FBXL13: variants seen among roughly 807,000 people sequenced by gnomAD.
The protein encoded by FBXL13 is F-box and leucine rich repeat protein 13.
A neutral mutation model predicts 83.6 loss-of-function variants in FBXL13; 67 were observed. The ratio of observed to expected loss-of-function variants is 0.80; its 90% CI spans 0.66 to 0.98. FBXL13 has a LOEUF of 0.98. Ranked by LOEUF, FBXL13 falls within the 50% of genes least tolerant of loss-of-function variation. The pLI is 0.00. For synonymous variants in FBXL13, 272 were observed against 299.5 expected (o/e 0.91, Z 0.95); for missense variants, 822 against 866.5 (o/e 0.95, Z 0.64).
At chr7:102,842,515 C>T (rs898735463) in intron 17 of FBXL13, among the ~76,000 whole-genome samples, 7 of 152,190 alleles carry the variant, frequency 4.6e-5, no homozygotes, top group Non-Finnish European at 8.8e-5. Flanking sequence ...GAATCTTGCA[C>T]AAACAACATT....
At chr7:103,027,850 C>G (rs1244826982) in intron 4 of FBXL13, among the ~76,000 whole-genome samples, 1 of 151,954 alleles carries the variant, frequency 6.6e-6, no homozygotes, top group African/African-American at 2.4e-5. Flanking sequence ...TTTGTAAAAC[C>G]AGAACTTCTA....
At chr7:102,931,750 T>C in intron 9 of FBXL13, 131 bp downstream of exon 10, 2 of 739,782 alleles carry the variant, frequency 2.7e-6, no homozygotes, top group Non-Finnish European at 4.4e-6. Flanking sequence ...TTCTTGTCAA[T>C]GTTTAACATA....
intron 8 of FBXL13, among the ~76,000 whole-genome samples, chr7:102,954,335 C>T (rs1276099876): frequency 1.3e-5 from 2 of 152,122 alleles, no homozygotes; most frequent in African/African-American, 4.8e-5. Context: ...TACAGACAAG[C>T]AAATGCTGAG....
intron 8 of FBXL13, among the ~76,000 whole-genome samples, chr7:102,960,995 CAGG>C (rs2129478771): frequency 6.6e-6 from 1 of 150,402 alleles, no homozygotes; most frequent in African/African-American, 2.4e-5. Context: ...GGCAATTAGG[CAGG>C]AGAAGGAAAT....
intron 11 of FBXL13, among the ~76,000 whole-genome samples, chr7:102,889,587 G>A (rs528660685): frequency 2.6e-5 from 4 of 151,302 alleles, no homozygotes; most frequent in African/African-American, 7.3e-5. Context: ...ACAGGCCCCC[G>A]TGTGTGATGT....
chr7:102,910,229 G>A (rs921892183), intron 11 of FBXL13, among the ~76,000 whole-genome samples: 14 of 152,140 alleles, frequency 9.2e-5, no homozygotes, highest in African/African-American at 3.1e-4. Flanking sequence ...AGCACCCAGA[G>A]AGGCTCTCTG....
chr7:102,866,193 T>C (rs1807622272), intron 16 of FBXL13, among the ~76,000 whole-genome samples: 1 of 152,158 alleles, frequency 6.6e-6, no homozygotes, highest in Non-Finnish European at 1.5e-5. Flanking sequence ...CTTGAGACTG[T>C]TTGCCTCCTA....
At chr7:102,813,210 G>T, downstream of FBXL13, 2 of 787,576 alleles carry the variant, frequency 2.5e-6, no homozygotes, top group Non-Finnish European at 4.0e-6. Context: ...TTTGTAGTTG[G>T]AATAAGAATC....
At chr7:103,024,857 A>ATATATATTTTTTTTTT (rs1298384907) in intron 6 of FBXL13, among the ~76,000 whole-genome samples, 2 of 62,854 alleles carry the variant, frequency 3.2e-5, no homozygotes, top group African/African-American at 1.8e-4. Flanking sequence ...ATATATATAT[A>ATATATATTTTTTTTTT]TTTTTTTTTT....
At chr7:103,002,960 T>C (rs970456316) in intron 6 of FBXL13, among the ~76,000 whole-genome samples, 5 of 152,208 alleles carry the variant, frequency 3.3e-5, no homozygotes, top group African/African-American at 4.8e-5. Flanking sequence ...TCAAAAGTTT[T>C]CTGTTATTAT....
chr7:102,884,374 G>A, intron 11 of FBXL13, 62 bp from the exon 13 acceptor site: 1 of 1,243,002 alleles, frequency 8.0e-7, no homozygotes. Flanking sequence ...ATCCAAGGGA[G>A]TAATAACCAA....
chr7:103,021,407 C>G (rs1446500359), intron 6 of FBXL13, among the ~76,000 whole-genome samples: 5 of 152,158 alleles, frequency 3.3e-5, no homozygotes, highest in Non-Finnish European at 5.9e-5. Context: ...CAATACCATT[C>G]AGGACATAGG....
chr7:102,868,452 C>T (rs544808874), intron 16 of FBXL13, among the ~76,000 whole-genome samples: 1 of 152,226 alleles, frequency 6.6e-6, no homozygotes, highest in Admixed American at 6.5e-5. Context: ...AACACAATGT[C>T]CTTTAGGTTC....
chr7:102,954,308 G>A (rs1232262292), intron 8 of FBXL13, among the ~76,000 whole-genome samples: 1 of 152,198 alleles, frequency 6.6e-6, no homozygotes, highest in African/African-American at 2.4e-5. Flanking sequence ...CATAAGTGAA[G>A]GAGAAATAAG....
intron 12 of FBXL13, 24 bp downstream of exon 13, chr7:102,884,190 T>C: frequency 6.5e-7 from 1 of 1,532,678 alleles, no homozygotes; most frequent in Non-Finnish European, 9.0e-7. Flanking sequence ...GACAGAAAAG[T>C]AAAGGTACTT....
intron 2 of FBXL13, among the ~76,000 whole-genome samples, chr7:103,031,849 A>G (rs780092849): frequency 2.0e-5 from 3 of 152,268 alleles, no homozygotes; most frequent in Non-Finnish European, 2.9e-5. Flanking sequence ...GTGGCCTACA[A>G]GAAGCCAGTT....
intron 6 of FBXL13, among the ~76,000 whole-genome samples, chr7:102,971,715 T>C (rs1476754049): frequency 6.6e-6 from 1 of 150,822 alleles, no homozygotes; most frequent in Non-Finnish European, 1.5e-5. Flanking sequence ...CTGGGTAACA[T>C]AGCAAGACTC....
chr7:102,835,820 G>A (rs1047696493), intron 17 of FBXL13, among the ~76,000 whole-genome samples: 7 of 151,252 alleles, frequency 4.6e-5, no homozygotes, highest in African/African-American at 1.7e-4. Context: ...CGTTTTAGCC[G>A]GGATGGTCTC....
At chr7:102,871,376 A>T (rs1327249339) in intron 16 of FBXL13, among the ~76,000 whole-genome samples, 3 of 151,566 alleles carry the variant, frequency 2.0e-5, no homozygotes, top group Admixed American at 6.6e-5. Context: ...GCCAGATTTT[A>T]AAAAAAAAAT....
Sources: allele counts gnomAD v4.1 joint callset (sites outside exome capture counted in the v4.1 genomes callset), GRCh38; gene constraint gnomAD v4.1.1; transcripts MANE v1.5; gene names NCBI Gene and HGNC (gene_info 2026-07-23, HGNC 2026-07-21).